The following MYO1B variants were observed in gnomAD, a reference collection of about 807,000 sequenced individuals.
MYO1B encodes the protein myosin IB.
A neutral mutation model predicts 159.7 loss-of-function variants in MYO1B; 72 were observed. The observed-to-expected ratio is 0.45, with a 90% confidence interval of 0.37 to 0.55. The LOEUF (loss-of-function observed/expected upper bound fraction) is 0.55. MYO1B is among the 20% of genes least tolerant of loss of function. The pLI, the probability that MYO1B is intolerant of heterozygous loss-of-function variation, is 0.00. For synonymous variants in MYO1B, 468 were observed against 473.8 expected, an observed-to-expected ratio of 0.99 and a Z score of 0.16; for missense variants, 1,062 against 1,364.8, an observed-to-expected ratio of 0.78 and a Z score of 3.50.
chr2:191,303,767 A>T (rs1366035048), intron 3 of MYO1B, among the ~76,000 whole-genome samples: 1 of 152,200 alleles, frequency 6.6e-6, no homozygotes, highest in Middle Eastern at 3.2e-3. Flanking sequence ...TATCTAAGGC[A>T]GTTTAAGTCA....
In MYO1B at chr2:191,400,728, T is replaced by C. The variant is rs1428167659; in HGVS notation, c.2383-21T>C. 4 of 1,612,524 alleles carry C rather than the reference T, an allele frequency of 2.5e-6. No homozygotes were observed. The African/African-American group carries it at 5.3e-5, about 22-fold the overall frequency. ...TTCCTGCCTTAAACTTTTCTGTAAC[T>C]CCTTTTCAAATGCATCACAGGCACG... is the stretch of plus-strand genomic sequence containing the variant. On this transcript the variant is annotated intron_variant, in intron 22 of 30. Transcript: ENST00000392318.
chr2:191,397,690 C>G (rs1029774799), intron 21 of MYO1B, among the ~76,000 whole-genome samples: 2 of 145,588 alleles, frequency 1.4e-5, no homozygotes, highest in Non-Finnish European at 3.0e-5. Context: ...CATGGCCCAT[C>G]CCCAATGAGC....
intron 7 of MYO1B, among the ~76,000 whole-genome samples, chr2:191,356,775 C>T (rs932414332): frequency 2.6e-5 from 4 of 152,270 alleles, no homozygotes; most frequent in Middle Eastern, 3.4e-3. Context: ...CATTCATGAA[C>T]GAACTTTCAA....
Position 191,381,571 on chromosome 2 carries a change from T to C in MYO1B, c.1290+5T>C, listed in dbSNP as rs775573458. 4 of 1,583,512 alleles carry C rather than the reference T, an allele frequency of 2.5e-6. No individual in the cohort carries two copies. In the Admixed American group the frequency reaches 5.0e-5, roughly 20 times the overall value. On this transcript the variant is annotated splice_donor_5th_base_variant and intron_variant, in intron 14 of 30. Transcript: ENST00000392318. ...CAGGAGGAGTATATACGGGAGGTAATGTTGAAATGCTATTTTTAAAAGTGT... is the reference window on the plus strand; with the variant it reads ...CAGGAGGAGTATATACGGGAGGTAACGTTGAAATGCTATTTTTAAAAGTGT...
chr2:191,322,162 C>A lies in MYO1B; in HGVS notation c.252-7773C>A, dbSNP rs372876134. 4.8e-4 allele frequency among the ~76,000 whole-genome samples: 73 copies of A among 152,250 alleles called. No homozygotes were observed. In the South Asian group the frequency reaches 0.014, roughly 30 times the overall value. On this transcript the variant is annotated intron_variant, in intron 3 of 30. Transcript: ENST00000392318. ...TGCTCCGCTATGGGGAACTTTCCCC[C>A]CTGTGGTGGTTTCATGCCTAGGGCA...
intron 13 of MYO1B, chr2:191,377,543 A>G (rs1034673181): frequency 4.6e-5 from 7 of 152,154 alleles, no homozygotes; most frequent in African/African-American, 9.7e-5. Context: ...GTCTCCACAT[A>G]TAAAGTTGCT....
chr2:191,406,491 T>C (rs1696922924), intron 24 of MYO1B, among the ~76,000 whole-genome samples: 1 of 152,220 alleles, frequency 6.6e-6, no homozygotes, highest in African/African-American at 2.4e-5. Flanking sequence ...TGACCCTTCC[T>C]TTCAGTTGAA....
intron 12 of MYO1B, 23 bp from the exon 13 acceptor site, chr2:191,370,204 C>G (rs1300497736): frequency 6.3e-7 from 1 of 1,583,312 alleles, no homozygotes; most frequent in Admixed American, 1.7e-5. Context: ...TTAATTAACC[C>G]TTTAATTTGA....
chr2:191,398,525 G>T (rs1441692958), intron 21 of MYO1B, among the ~76,000 whole-genome samples: 1 of 150,684 alleles, frequency 6.6e-6, no homozygotes, highest in Non-Finnish European at 1.5e-5. Context: ...GCGGTTGCCA[G>T]GCAGAGGGTT....
At chr2:191,326,540 A>G (rs1303633096) in intron 3 of MYO1B, among the ~76,000 whole-genome samples, 1 of 152,154 alleles carries the variant, frequency 6.6e-6, no homozygotes, top group Non-Finnish European at 1.5e-5. Context: ...CGTCACTTTG[A>G]ACTCAGTGGC....
chr2:191,381,742 T>C (rs1695051637), intron 14 of MYO1B, among the ~76,000 whole-genome samples, 176 bp downstream of exon 14: 1 of 152,160 alleles, frequency 6.6e-6, no homozygotes, highest in Admixed American at 6.5e-5. Flanking sequence ...TAAGAAGCTA[T>C]AGAGTCAGGG....
intron 1 of MYO1B, among the ~76,000 whole-genome samples, chr2:191,256,633 G>A (rs1686468345): frequency 6.6e-6 from 1 of 152,162 alleles, no homozygotes; most frequent in Admixed American, 6.5e-5. Flanking sequence ...AGATTGGGGT[G>A]ACTTTTACTT....
At chr2:191,356,168 A>C (rs1693265304) in intron 7 of MYO1B, among the ~76,000 whole-genome samples, 2 of 152,162 alleles carry the variant, frequency 1.3e-5, no homozygotes, top group South Asian at 4.1e-4. Context: ...GTTTTCTGGG[A>C]ATATATGTAT....
At chr2:191,288,447 ACT>A in intron 2 of MYO1B, among the ~76,000 whole-genome samples, 1 of 152,056 alleles carries the variant, frequency 6.6e-6, no homozygotes, top group Non-Finnish European at 1.5e-5. Flanking sequence ...ACCCTGGAGC[ACT>A]CATTAGACAG....
chr2:191,299,255 C>A (rs1689161883), intron 3 of MYO1B, among the ~76,000 whole-genome samples: 1 of 152,140 alleles, frequency 6.6e-6, no homozygotes, highest in African/African-American at 2.4e-5. Context: ...CCACCACGAG[C>A]ACTAAAATAA....
intron 21 of MYO1B, among the ~76,000 whole-genome samples, chr2:191,399,131 C>T (rs557207479): frequency 5.3e-5 from 8 of 151,924 alleles, no homozygotes; most frequent in African/African-American, 1.7e-4. Context: ...TCAGGCGTGG[C>T]GGCACGCACC....
At chr2:191,341,396 T>TC in intron 4 of MYO1B, 65 bp from the exon 5 acceptor site, 1 of 1,380,784 alleles carries the variant, frequency 7.2e-7, no homozygotes, top group South Asian at 1.3e-5. Context: ...CCACATTTCC[T>TC]CCTCCCCAAA....
chr2:191,357,594 A>G (rs529493808), intron 7 of MYO1B, among the ~76,000 whole-genome samples: 1 of 152,172 alleles, frequency 6.6e-6, no homozygotes, highest in Non-Finnish European at 1.5e-5. Flanking sequence ...TCTAATAATA[A>G]CTCTTCTTTA....
chr2:191,349,110 ACCTGTCTCAATTCCC>A (rs1692754122), intron 6 of MYO1B, among the ~76,000 whole-genome samples: 1 of 152,194 alleles, frequency 6.6e-6, no homozygotes, highest in East Asian at 1.9e-4. Flanking sequence ...TATCCAGTTA[ACCTGTCTCAATTCCC>A]CCGCTAGACA....
Sources: allele counts gnomAD v4.1 joint callset (sites outside exome capture counted in the v4.1 genomes callset), GRCh38; gene constraint gnomAD v4.1.1; transcripts MANE v1.5; gene names NCBI Gene and HGNC (gene_info 2026-07-23, HGNC 2026-07-21).